RGS7: variants seen among roughly 807,000 people sequenced by gnomAD.
RGS7 encodes the protein regulator of G protein signaling 7.
In RGS7, 27 loss-of-function variants were observed where a neutral mutation model predicts 81.1. That is an observed-to-expected ratio of 0.33 (90% CI 0.25 to 0.46). The LOEUF is 0.46. Ranked by LOEUF, RGS7 falls within the 20% of genes least tolerant of loss-of-function variation. RGS7 has a pLI of 1.00. For missense variants in RGS7, 396 were observed against 607.4 expected, an observed-to-expected ratio of 0.65 and a Z score of 3.66; for synonymous variants, 208 against 207.7, an observed-to-expected ratio of 1.00 and a Z score of -0.01.
At chr1:241,354,187 C>T (rs2083421492) in intron 2 of RGS7, among the ~76,000 whole-genome samples, 1 of 152,084 alleles carries the variant, frequency 6.6e-6, no homozygotes, top group South Asian at 2.1e-4. Flanking sequence ...TACTCAGAGT[C>T]TTACCAAACA....
At chr1:240,891,596 A>T (rs1386768800) in intron 6 of RGS7, among the ~76,000 whole-genome samples, 1 of 152,180 alleles carries the variant, frequency 6.6e-6, no homozygotes, top group Admixed American at 6.6e-5. Context: ...TCATTCAGTG[A>T]TTAATTTGTT....
intron 3 of RGS7, among the ~76,000 whole-genome samples, chr1:240,989,266 T>G: frequency 6.6e-6 from 1 of 150,610 alleles, no homozygotes; most frequent in Non-Finnish European, 1.5e-5. Flanking sequence ...GGTGACACCC[T>G]GTCTCTACTA....
chr1:241,101,514 A>C (rs1428133575), intron 2 of RGS7, among the ~76,000 whole-genome samples: 2 of 152,054 alleles, frequency 1.3e-5, no homozygotes, highest in Non-Finnish European at 2.9e-5. Flanking sequence ...AAAATAAATA[A>C]ATAAATAAAA....
At chr1:241,268,148 A>G (rs2077687268) in intron 2 of RGS7, among the ~76,000 whole-genome samples, 1 of 152,204 alleles carries the variant, frequency 6.6e-6, no homozygotes, top group Non-Finnish European at 1.5e-5. Flanking sequence ...CACTGTCTAG[A>G]GGACTTTTCT....
intron 2 of RGS7, among the ~76,000 whole-genome samples, chr1:241,191,410 C>T (rs894908049): frequency 1.3e-5 from 2 of 152,164 alleles, no homozygotes; most frequent in African/African-American, 4.8e-5. Context: ...CAATTAAACA[C>T]ATTGACTGAT....
chr1:241,130,606 C>CA (rs35756828), intron 2 of RGS7, among the ~76,000 whole-genome samples: 12 of 150,988 alleles, frequency 7.9e-5, no homozygotes, highest in Middle Eastern at 6.9e-3. Context: ...GACTTCATGC[C>CA]AAAAAAAAGG....
chr1:240,984,311 G>A (rs1685347647), intron 3 of RGS7, among the ~76,000 whole-genome samples: 2 of 152,176 alleles, frequency 1.3e-5, no homozygotes, highest in African/African-American at 4.8e-5. Context: ...AGAAGGCAAG[G>A]CAGTCGACAT....
At chr1:241,030,377 T>TATATATATATATATATATATATATATAC (rs71793632) in intron 3 of RGS7, among the ~76,000 whole-genome samples, 105 of 137,394 alleles carry the variant, frequency 7.6e-4, no homozygotes, top group African/African-American at 1.3e-3. Flanking sequence ...TATATATACA[T>TATATATATATATATATATATATATATAC]ACACACATAC....
intron 2 of RGS7, among the ~76,000 whole-genome samples, chr1:241,105,320 C>T: frequency 6.6e-6 from 1 of 152,158 alleles, no homozygotes; most frequent in East Asian, 1.9e-4. Flanking sequence ...TGTAAGCCCT[C>T]AAGATGAAAG....
At chr1:240,927,037 A>C (rs930323483) in intron 6 of RGS7, among the ~76,000 whole-genome samples, 2 of 152,008 alleles carry the variant, frequency 1.3e-5, no homozygotes, top group African/African-American at 4.8e-5. Flanking sequence ...ATACTAACAA[A>C]ATGAAATAAA....
intron 2 of RGS7, among the ~76,000 whole-genome samples, chr1:241,314,541 C>T (rs2080750009): frequency 6.6e-6 from 1 of 152,140 alleles, no homozygotes; most frequent in South Asian, 2.1e-4. Flanking sequence ...TTGTGTGGCT[C>T]GCTTTATTGT....
At position 241,050,841 on chromosome 1, in the gene RGS7, T is replaced by G. The variant is rs141637934; in HGVS notation, c.175+47825A>C. On this transcript the variant is annotated intron_variant, in intron 3 of 18. Transcript: ENST00000440928. The stretch of plus-strand genomic sequence containing the variant: ...TTTCTAGTTTACTTTATTGGGAGAA[T>G]ATAGTATATGATACATATAACATAT... Among the ~76,000 whole-genome samples, 52 of 152,346 alleles carry G rather than the reference T, an allele frequency of 3.4e-4. No homozygotes were observed. In the East Asian group the frequency reaches 8.7e-3, roughly 25 times the overall value.
chr1:240,947,961 C>T (rs1246772966), intron 4 of RGS7, among the ~76,000 whole-genome samples: 2 of 152,148 alleles, frequency 1.3e-5, no homozygotes, highest in African/African-American at 4.8e-5. Context: ...AGGCCTTAGG[C>T]TTTGCTAGGC....
Position 241,114,244 on chromosome 1 carries a change from T to C in RGS7, c.79-15482A>G, listed in dbSNP as rs140940405. Reference sequence around the variant, plus strand: ...TAACTCTGGACAAACCAGAGAAAGCTAGACACTCCTCAATCTAGTTATATT... The same window carrying C: ...TAACTCTGGACAAACCAGAGAAAGCCAGACACTCCTCAATCTAGTTATATT... On this transcript the variant is annotated intron_variant, in intron 2 of 18. Coordinates refer to ENST00000440928, the MANE Select transcript of RGS7 (RefSeq NM_001364886.1). Among the ~76,000 whole-genome samples the C allele has an allele frequency of 2.6e-5, 4 of 152,278 alleles. No homozygotes were observed. In the East Asian group the frequency reaches 7.7e-4, roughly 29 times the overall value.
intron 2 of RGS7, among the ~76,000 whole-genome samples, chr1:241,265,764 A>T (rs1018348415): frequency 6.7e-6 from 1 of 149,920 alleles, no homozygotes; most frequent in Non-Finnish European, 1.5e-5. Flanking sequence ...CCTGATCTCA[A>T]GTTACTGCCC....
At chr1:240,846,502 T>C (rs1387053766) in intron 9 of RGS7, among the ~76,000 whole-genome samples, 2 of 152,168 alleles carry the variant, frequency 1.3e-5, no homozygotes, top group Non-Finnish European at 2.9e-5. Flanking sequence ...AGCATCTGCA[T>C]AGGTCACCCT....
chr1:240,922,505 A>C (rs1282379087), intron 6 of RGS7, among the ~76,000 whole-genome samples: 1 of 152,150 alleles, frequency 6.6e-6, no homozygotes, highest in African/African-American at 2.4e-5. Flanking sequence ...TATACAAGGA[A>C]CTCTTACAAT....
At chr1:241,250,965 C>G (rs892984866) in intron 2 of RGS7, among the ~76,000 whole-genome samples, 3 of 152,218 alleles carry the variant, frequency 2.0e-5, no homozygotes, top group Non-Finnish European at 4.4e-5. Context: ...AAATCCCTAA[C>G]ACTTAGCATT....
In RGS7 at chr1:241,327,039, G is replaced by GAA. The variant is rs1558320559; in HGVS notation, c.78+28659_78+28660insTT. On this transcript the variant is annotated intron_variant, in intron 2 of 18. Coordinates refer to ENST00000440928, the MANE Select transcript of RGS7 (RefSeq NM_001364886.1). ...GGAAGGAAGGAAGGAAGGAAGGAAGGGAGGGAGGGGAAAGGAAGGAAGAAG... is the reference window on the plus strand; with the variant it reads ...GGAAGGAAGGAAGGAAGGAAGGAAGGAAGAGGGAGGGGAAAGGAAGGAAGAAG... 3.7e-4 allele frequency among the ~76,000 whole-genome samples: 9 copies of GAA among 24,024 alleles called. 2 individuals carry two copies. The highest frequency in any genetic ancestry group is 6.6e-4 in the Admixed American group (2 of 3,028). 15.8% of individuals were successfully genotyped at this position (24,024 alleles called of 152,430 possible).
Sources: gnomAD v4.1 joint callset for allele counts (sites outside exome capture counted in the v4.1 genomes callset) on GRCh38, gnomAD v4.1.1 for gene constraint, MANE v1.5 for transcripts, NCBI Gene and HGNC (gene_info 2026-07-23, HGNC 2026-07-21) for gene names.